TMEM243: variants seen among roughly 807,000 people sequenced by gnomAD.
The protein encoded by TMEM243 is MDR1 and mitochondrial taxol resistance associated.
Under a neutral mutation model 15.0 loss-of-function variants are expected in TMEM243, and 20 were observed. The ratio of observed to expected loss-of-function variants is 1.33; its 90% CI spans 0.94 to 1.93. The LOEUF (loss-of-function observed/expected upper bound fraction) is 1.93, where lower values mean the gene tolerates loss of function less well. Among genes scored for constraint, TMEM243 ranks in the 30% most tolerant of loss-of-function variants. The pLI is 0.00. For missense variants in TMEM243, 156 were observed against 142.1 expected (o/e 1.10, Z -0.50); for synonymous variants, 72 against 52.7 (o/e 1.37, Z -1.59).
intron 1 of TMEM243, among the ~76,000 whole-genome samples, chr7:87,200,013 A>T (rs2129222039): frequency 6.6e-6 from 1 of 152,318 alleles, no homozygotes. Context: ...GCCGCCAATA[A>T]ACAAAACCTC....
At chr7:87,211,785 G>A (rs1199658437) in intron 1 of TMEM243, among the ~76,000 whole-genome samples, 2 of 152,150 alleles carry the variant, frequency 1.3e-5, no homozygotes, top group African/African-American at 4.8e-5. Context: ...AGAGACAACC[G>A]GAGGTATAGC....
In TMEM243 at chr7:87,216,410, C is replaced by T. The variant is rs974851755; in HGVS notation, c.78+3016G>A. 2.0e-5 allele frequency among the ~76,000 whole-genome samples: 3 copies of T among 152,128 alleles called. No homozygotes were observed. The East Asian group carries it at 5.8e-4, about 29-fold the overall frequency. On this transcript the variant is annotated intron_variant, in intron 1 of 3. Transcript: ENST00000257637. ...GCAGTGAACCGTGGTCAGGCCACTG[C>T]ACTCCGATATGAGTTACAAAGTGAG...
chr7:87,219,316 C>A, intron 1 of TMEM243, 110 bp downstream of exon 1: 1 of 977,636 alleles, frequency 1.0e-6, no homozygotes, highest in Non-Finnish European at 1.6e-6. Flanking sequence ...AACCAGCTTC[C>A]TCCCTAAAAG....
chr7:87,212,714 A>G (rs915417089), intron 1 of TMEM243, among the ~76,000 whole-genome samples: 3 of 152,196 alleles, frequency 2.0e-5, no homozygotes, highest in Admixed American at 6.5e-5. Context: ...TTCTACTGTG[A>G]GCTCAGAATG....
At chr7:87,201,636 A>G (rs1279480201) in intron 1 of TMEM243, among the ~76,000 whole-genome samples, 1 of 152,220 alleles carries the variant, frequency 6.6e-6, no homozygotes, top group African/African-American at 2.4e-5. Context: ...GGGGAATAAT[A>G]TGCTCCAAAT....
intron 2 of TMEM243, chr7:87,198,317 C>T: frequency 5.9e-6 from 2 of 336,624 alleles, no homozygotes; most frequent in Non-Finnish European, 1.1e-5. Flanking sequence ...AAACCTCACT[C>T]CCAGGATTAA....
At chr7:87,201,326 C>A (rs1801791823) in intron 1 of TMEM243, among the ~76,000 whole-genome samples, 1 of 152,208 alleles carries the variant, frequency 6.6e-6, no homozygotes. Flanking sequence ...TCGGCCTCAC[C>A]TGAGAGAACT....
intron 2 of TMEM243, 100 bp from the exon 3 acceptor site, chr7:87,198,145 A>AT (rs1269573203): frequency 1.1e-6 from 1 of 921,782 alleles, no homozygotes; most frequent in African/African-American, 1.7e-5. Flanking sequence ...GCTTCATGTT[A>AT]TAAAATTACA....
intron 1 of TMEM243, among the ~76,000 whole-genome samples, chr7:87,209,853 A>T (rs57148980): frequency 8.0e-6 from 1 of 124,286 alleles, no homozygotes; most frequent in Admixed American, 7.7e-5. Context: ...AGTGAGAGCG[A>T]GAGAGAGAGA....
At chr7:87,202,926 C>A (rs1801922362) in intron 1 of TMEM243, 1 of 152,270 alleles carries the variant, frequency 6.6e-6, no homozygotes, top group African/African-American at 2.4e-5. Context: ...AAGGACTAAT[C>A]CCCTAGTGAT....
chr7:87,198,493 A>G (rs1801544177), intron 2 of TMEM243: 2 of 168,372 alleles, frequency 1.2e-5, no homozygotes, highest in South Asian at 3.4e-4. Context: ...CAATCTTTTC[A>G]TTAAGAAGCC....
intron 1 of TMEM243, among the ~76,000 whole-genome samples, chr7:87,204,445 GTC>G (rs1802055125): frequency 6.6e-6 from 1 of 152,208 alleles, no homozygotes. Context: ...TCTGAGACAA[GTC>G]CACCTATGAG....
At chr7:87,197,783 A>G in intron 3 of TMEM243, 158 bp downstream of exon 3, 1 of 1,493,372 alleles carries the variant, frequency 6.7e-7, no homozygotes, top group Non-Finnish European at 8.9e-7. Context: ...AAAGGAGAAG[A>G]CTCAGATTTT....
chr7:87,196,785 T>G, intron 3 of TMEM243, 27 bp from the exon 4 acceptor site: 1 of 1,468,740 alleles, frequency 6.8e-7, no homozygotes, highest in Non-Finnish European at 9.2e-7. Flanking sequence ...AGTTTATAAA[T>G]TAAAATTTGA....
intron 1 of TMEM243, chr7:87,199,284 A>G: frequency 2.2e-6 from 1 of 451,762 alleles, no homozygotes; most frequent in Non-Finnish European, 3.9e-6. Flanking sequence ...GGGACAGAAC[A>G]TTTATACTAG....
Position 87,219,724 on chromosome 7 carries a change from G to A in TMEM243, c.-221C>T. On this transcript the variant is annotated 5_prime_UTR_variant, in exon 1 of 4. Coordinates refer to ENST00000257637, the MANE Select transcript of TMEM243 (RefSeq NM_024315.4). ...CACCTCCTCATCTTGAGCAGCTGCC[G>A]CAGGAAGTGAAAGGAAACAAACACT... The A allele has an allele frequency of 3.5e-6, 2 of 570,924 alleles. No individual in the cohort carries two copies. The highest frequency in any genetic ancestry group is 5.9e-5 in the East Asian group (2 of 33,652). 35.4% of individuals were successfully genotyped at this position (570,924 alleles called of 1,614,324 possible). A position where few individuals can be genotyped will look rare whatever the true frequency, so the allele number is the denominator to read the frequency against.
intron 1 of TMEM243, 40 bp from the exon 2 acceptor site, chr7:87,199,097 C>A: frequency 6.5e-7 from 1 of 1,538,498 alleles, no homozygotes; most frequent in South Asian, 1.2e-5. Context: ...TGACTTGGAT[C>A]CATGTTACCT....
chr7:87,204,018 A>T (rs774806941), intron 1 of TMEM243, among the ~76,000 whole-genome samples: 1 of 152,230 alleles, frequency 6.6e-6, no homozygotes, highest in African/African-American at 2.4e-5. Context: ...AAAGAGATTT[A>T]ATGGACTCAC....
chr7:87,213,025 G>C (rs1200468992), intron 1 of TMEM243, among the ~76,000 whole-genome samples: 2 of 152,228 alleles, frequency 1.3e-5, no homozygotes, highest in African/African-American at 4.8e-5. Flanking sequence ...GAATCAGACT[G>C]AGCAGAATTC....
Sources: gnomAD v4.1 joint callset for allele counts (sites outside exome capture counted in the v4.1 genomes callset) on GRCh38, gnomAD v4.1.1 for gene constraint, MANE v1.5 for transcripts, NCBI Gene and HGNC (gene_info 2026-07-23, HGNC 2026-07-21) for gene names.